Variants in ZFYVE1 observed in about 807,000 individuals in gnomAD.
ZFYVE1 encodes zinc finger FYVE domain-containing protein 1.
In ZFYVE1, 30 loss-of-function variants were observed where a neutral mutation model predicts 74.4. The ratio of observed to expected loss-of-function variants is 0.40; its 90% CI spans 0.30 to 0.55. The LOEUF is 0.55. Among genes scored for constraint, ZFYVE1 ranks in the 20% least tolerant of loss-of-function variants. The probability of loss-of-function intolerance (pLI) is 0.42; values close to 1 mark genes in which losing one functional copy is unlikely to be tolerated. For synonymous variants in ZFYVE1, 335 were observed against 385.1 expected, an observed-to-expected ratio of 0.87 and a Z score of 1.52; for missense variants, 703 against 1,011.6, an observed-to-expected ratio of 0.69 and a Z score of 4.14.
intron 4 of ZFYVE1, 48 bp from the exon 5 acceptor site, chr14:72,981,943 C>T (rs184227050): frequency 6.0e-6 from 9 of 1,490,886 alleles, no homozygotes; most frequent in African/African-American, 5.4e-5. Flanking sequence ...TAGAGAGCTC[C>T]GCACTTTGGC....
chr14:72,994,821 TAC>T (rs1893707347), intron 3 of ZFYVE1, among the ~76,000 whole-genome samples: 1 of 152,198 alleles, frequency 6.6e-6, no homozygotes, highest in South Asian at 2.1e-4. Flanking sequence ...AAAGCAGCAA[TAC>T]AGTCTTCGAT....
At chr14:72,995,568 A>G (rs1383716716) in intron 3 of ZFYVE1, among the ~76,000 whole-genome samples, 1 of 152,174 alleles carries the variant, frequency 6.6e-6, no homozygotes, top group African/African-American at 2.4e-5. Context: ...GGTTACTTCA[A>G]AATCCTGAAC....
intron 2 of ZFYVE1, among the ~76,000 whole-genome samples, chr14:73,016,099 TCTAA>T (rs1894196188): frequency 1.3e-5 from 2 of 152,170 alleles, no homozygotes; most frequent in Non-Finnish European, 2.9e-5. Context: ...CACTAAGAAC[TCTAA>T]CTACCAGAAA....
rs1377219171 is a variant in ZFYVE1, at chr14:73,023,221, ATT to A, written c.483+803_483+804del. Among the ~76,000 whole-genome samples, 6 of 134,926 alleles carry A rather than the reference ATT, an allele frequency of 4.4e-5. No individual in the cohort carries two copies. In the East Asian group the frequency reaches 6.0e-4, roughly 14 times the overall value. The allele number at this position is 134,926 out of a possible 152,430, so 88.5% of individuals were successfully genotyped here. On this transcript the variant is annotated intron_variant, in intron 2 of 11. Transcript: ENST00000556143. ...TATATATGTTTTATATATAATATAT[ATT>A]TTATATGTTTTATATGTAATATATA...
At chr14:73,000,514 G>A (rs776283972) in intron 2 of ZFYVE1, among the ~76,000 whole-genome samples, 4 of 152,056 alleles carry the variant, frequency 2.6e-5, no homozygotes, top group Non-Finnish European at 5.9e-5. Flanking sequence ...TGAAGCAAGA[G>A]GATCGTTTGA....
intron 2 of ZFYVE1, among the ~76,000 whole-genome samples, chr14:73,008,760 T>C (rs147455996): frequency 1.5e-4 from 23 of 152,284 alleles, no homozygotes; most frequent in Admixed American, 3.3e-4. Flanking sequence ...TGAAAACAGA[T>C]GTAAGCTCCA....
At chr14:73,016,237 G>C (rs1266125425) in intron 2 of ZFYVE1, among the ~76,000 whole-genome samples, 1 of 152,202 alleles carries the variant, frequency 6.6e-6, no homozygotes, top group Non-Finnish European at 1.5e-5. Flanking sequence ...TCTGGGCCGG[G>C]CACGGTGTTC....
At chr14:73,007,493 G>A (rs1160512860) in intron 2 of ZFYVE1, among the ~76,000 whole-genome samples, 2 of 152,004 alleles carry the variant, frequency 1.3e-5, no homozygotes, top group African/African-American at 4.8e-5. Flanking sequence ...TCCTGCCTCA[G>A]CCTCCTAGGT....
chr14:73,011,322 C>T (rs1012215399), intron 2 of ZFYVE1, among the ~76,000 whole-genome samples: 1 of 151,722 alleles, frequency 6.6e-6, no homozygotes, highest in Non-Finnish European at 1.5e-5. Context: ...CCCATCTCTA[C>T]TAACAATACA....
At chr14:73,021,842 TAC>T (rs1160826062) in intron 2 of ZFYVE1, among the ~76,000 whole-genome samples, 3 of 152,194 alleles carry the variant, frequency 2.0e-5, no homozygotes, top group African/African-American at 7.2e-5. Context: ...TCTTCTTCAT[TAC>T]ACTTCTTTAT....
intron 4 of ZFYVE1, 144 bp downstream of exon 4, chr14:72,992,999 G>A (rs996612364): frequency 4.3e-5 from 31 of 727,706 alleles, no homozygotes; most frequent in Admixed American, 9.0e-5. Context: ...TGACAGGTGC[G>A]GACTCCATTC....
chr14:72,998,354 T>G, intron 2 of ZFYVE1, 39 bp from the exon 3 acceptor site: 1 of 1,472,260 alleles, frequency 6.8e-7, no homozygotes, highest in Non-Finnish European at 9.0e-7. Context: ...ATACAGAAAC[T>G]GTAAAAGCAC....
intron 2 of ZFYVE1, among the ~76,000 whole-genome samples, chr14:73,009,723 T>G (rs1215977821): frequency 6.6e-6 from 1 of 152,218 alleles, no homozygotes; most frequent in Admixed American, 6.5e-5. Flanking sequence ...ACCACTGCAC[T>G]CCTGCCTGGG....
chr14:73,018,654 C>T (rs543612338), intron 2 of ZFYVE1, among the ~76,000 whole-genome samples: 1 of 152,158 alleles, frequency 6.6e-6, no homozygotes, highest in East Asian at 1.9e-4. Context: ...ACAGAAAGTG[C>T]CTGGCACGGC....
At chr14:73,009,462 C>G (rs1027139485) in intron 2 of ZFYVE1, among the ~76,000 whole-genome samples, 1 of 152,140 alleles carries the variant, frequency 6.6e-6, no homozygotes, top group Non-Finnish European at 1.5e-5. Context: ...CAAGTAAAAG[C>G]TCTCCTTAGG....
chr14:73,004,441 G>C (rs1222321252), intron 2 of ZFYVE1, among the ~76,000 whole-genome samples: 7 of 151,812 alleles, frequency 4.6e-5, no homozygotes, highest in Non-Finnish European at 8.8e-5. Flanking sequence ...TTCATATTAA[G>C]TGTCCACCAA....
At chr14:72,982,830 A>G (rs1893371045) in intron 4 of ZFYVE1, among the ~76,000 whole-genome samples, 1 of 152,092 alleles carries the variant, frequency 6.6e-6, no homozygotes, top group South Asian at 2.1e-4. Context: ...TAGGTTTTAA[A>G]CGAAGAACAA....
At chr14:72,999,405 C>A (rs1893822229) in intron 2 of ZFYVE1, among the ~76,000 whole-genome samples, 1 of 152,004 alleles carries the variant, frequency 6.6e-6, no homozygotes, top group Non-Finnish European at 1.5e-5. Context: ...CCAGCCTGGG[C>A]AACAAGAACG....
chr14:72,991,071 A>G (rs774449560), intron 4 of ZFYVE1, among the ~76,000 whole-genome samples: 14 of 151,382 alleles, frequency 9.2e-5, no homozygotes, highest in Non-Finnish European at 1.8e-4. Flanking sequence ...CAGTCTAACT[A>G]TTTTTCTCAA....
Sources: gnomAD v4.1 joint callset for allele counts (sites outside exome capture counted in the v4.1 genomes callset) on GRCh38, gnomAD v4.1.1 for gene constraint, MANE v1.5 for transcripts, NCBI Gene and HGNC (gene_info 2026-07-23, HGNC 2026-07-21) for gene names.